The following SDK1 variants were observed in gnomAD, a reference collection of about 807,000 sequenced individuals.
SDK1 encodes sidekick cell adhesion molecule 1.
In SDK1, 157 loss-of-function variants were observed where a neutral mutation model predicts 245.5. That is an observed-to-expected ratio of 0.64 (90% CI 0.56 to 0.73). The LOEUF (loss-of-function observed/expected upper bound fraction) is 0.73. SDK1 is among the 30% of genes least tolerant of loss of function. The probability of loss-of-function intolerance (pLI) is 0.00; values close to 1 mark genes in which losing one functional copy is unlikely to be tolerated. For missense variants in SDK1, 3,583 were observed against 3,002.3 expected (o/e 1.19, Z -4.52); for synonymous variants, 1,647 against 1,278.5 (o/e 1.29, Z -6.15).
At chr7:4,184,040 G>A (rs899561762) in intron 35 of SDK1, among the ~76,000 whole-genome samples, 3 of 152,200 alleles carry the variant, frequency 2.0e-5, no homozygotes, top group Non-Finnish European at 2.9e-5. Context: ...AAGCCAGTTC[G>A]CCATTCCCTT....
At chr7:4,206,054 G>T (rs996003527) in intron 36 of SDK1, 60 bp downstream of exon 36, 12 of 1,136,826 alleles carry the variant, frequency 1.1e-5, no homozygotes, top group Admixed American at 2.5e-5. Context: ...CGTTCACGTG[G>T]TCCTGCCTAC....
At chr7:3,672,816 G>T (rs1383145980) in intron 4 of SDK1, among the ~76,000 whole-genome samples, 1 of 69,832 alleles carries the variant, frequency 1.4e-5, no homozygotes, top group Non-Finnish European at 2.7e-5. Flanking sequence ...AAAGCTCTAA[G>T]TATGCACAGA....
intron 22 of SDK1, among the ~76,000 whole-genome samples, chr7:4,088,178 G>A (rs2128182443): frequency 6.6e-6 from 1 of 152,300 alleles, no homozygotes; most frequent in South Asian, 2.1e-4. Context: ...GTGTATTGGT[G>A]TTACAGCCAG....
intron 7 of SDK1, among the ~76,000 whole-genome samples, chr7:3,955,070 T>C (rs1781150109): frequency 6.6e-6 from 1 of 152,142 alleles, no homozygotes; most frequent in Non-Finnish European, 1.5e-5. Flanking sequence ...CACGGTCTCC[T>C]CATCACACAC....
At chr7:3,467,301 T>C (rs896797151) in intron 1 of SDK1, among the ~76,000 whole-genome samples, 4 of 152,078 alleles carry the variant, frequency 2.6e-5, no homozygotes, top group Non-Finnish European at 5.9e-5. Flanking sequence ...AAATGCCACT[T>C]ATGTTTCTCT....
chr7:3,682,934 A>C (rs911651437), intron 4 of SDK1, among the ~76,000 whole-genome samples: 4 of 152,054 alleles, frequency 2.6e-5, no homozygotes, highest in African/African-American at 9.7e-5. Flanking sequence ...GGGTTTCACC[A>C]TGTTGTCCAG....
chr7:3,652,128 G>C (rs1349530032), intron 4 of SDK1, among the ~76,000 whole-genome samples: 1 of 152,216 alleles, frequency 6.6e-6, no homozygotes, highest in Non-Finnish European at 1.5e-5. Context: ...TATTAGATGA[G>C]GAAGTGGAGA....
At chr7:3,423,318 G>T (rs1583835143) in intron 1 of SDK1, among the ~76,000 whole-genome samples, 2 of 152,198 alleles carry the variant, frequency 1.3e-5, no homozygotes, top group African/African-American at 4.8e-5. Context: ...GTCTTAGGAG[G>T]AGGAAATTAT....
At chr7:4,161,729 G>T in intron 31 of SDK1, 57 bp from the exon 32 acceptor site, 1 of 1,456,350 alleles carries the variant, frequency 6.9e-7, no homozygotes, top group South Asian at 1.1e-5. Context: ...GCCCTGGGAA[G>T]GGCGGCAGAA....
At chr7:3,960,369 C>G (rs1405908976) in intron 8 of SDK1, among the ~76,000 whole-genome samples, 1 of 152,258 alleles carries the variant, frequency 6.6e-6, no homozygotes, top group Non-Finnish European at 1.5e-5. Context: ...AAAGCAGCCA[C>G]CTGGCTCTTG....
intron 5 of SDK1, among the ~76,000 whole-genome samples, chr7:3,916,509 G>C (rs2128111008): frequency 6.6e-6 from 1 of 152,306 alleles, no homozygotes; most frequent in South Asian, 2.1e-4. Context: ...TGTCTTAAAA[G>C]ATGATGGAAA....
chr7:3,989,945 G>A (rs1444871069), intron 14 of SDK1, among the ~76,000 whole-genome samples: 1 of 152,224 alleles, frequency 6.6e-6, no homozygotes, highest in African/African-American at 2.4e-5. Context: ...GGCGATGGGA[G>A]GGGAAGATGG....
intron 44 of SDK1, among the ~76,000 whole-genome samples, chr7:4,264,279 ACC>A (rs1473191103): frequency 2.5e-5 from 2 of 79,338 alleles, no homozygotes; most frequent in African/African-American, 5.6e-5. Context: ...GGCCGCGTAG[ACC>A]TCTCCTGAGT....
intron 4 of SDK1, among the ~76,000 whole-genome samples, chr7:3,673,185 A>G (rs11977537): frequency 5.9e-5 from 9 of 152,000 alleles, no homozygotes; most frequent in African/African-American, 1.7e-4. Flanking sequence ...TTTATCTGCA[A>G]TACTCTCATC....
At chr7:4,162,284 C>T (rs542090120) in intron 32 of SDK1, among the ~76,000 whole-genome samples, 31 of 152,184 alleles carry the variant, frequency 2.0e-4, no homozygotes, top group African/African-American at 7.5e-4. Flanking sequence ...AAGTCATCTG[C>T]AACCAGACAA....
At chr7:3,807,539 C>G (rs1779282483) in intron 4 of SDK1, among the ~76,000 whole-genome samples, 1 of 152,076 alleles carries the variant, frequency 6.6e-6, no homozygotes, top group African/African-American at 2.4e-5. Context: ...GATTGGAGAC[C>G]TATAGAAAGG....
chr7:3,903,930 C>G (rs1781877913), intron 5 of SDK1, among the ~76,000 whole-genome samples: 1 of 152,144 alleles, frequency 6.6e-6, no homozygotes, highest in South Asian at 2.1e-4. Flanking sequence ...CTTGCTTTCT[C>G]TCTGGCCATG....
rs568200840 is a variant in SDK1, at chr7:4,232,281, A to G, written c.5828-974A>G. 1.3e-4 allele frequency among the ~76,000 whole-genome samples: 20 copies of G among 151,684 alleles called. No individual in the cohort carries two copies. In the South Asian group the frequency reaches 4.0e-3, roughly 30 times the overall value. On this transcript the variant is annotated intron_variant, in intron 40 of 44. Transcript: ENST00000404826. The stretch of plus-strand genomic sequence containing the variant: ...CACAGCTAATTGAATTGGTGGGGCC[A>G]GGCTTTGCAAAGAGGCTGTCTAGCT...
At chr7:3,772,005 A>G (rs1319410956) in intron 4 of SDK1, among the ~76,000 whole-genome samples, 1 of 152,202 alleles carries the variant, frequency 6.6e-6, no homozygotes, top group Non-Finnish European at 1.5e-5. Flanking sequence ...ATGGGATCAT[A>G]CAGTATTTCT....
Sources: gnomAD v4.1 joint callset for allele counts (sites outside exome capture counted in the v4.1 genomes callset) on GRCh38, gnomAD v4.1.1 for gene constraint, MANE v1.5 for transcripts, NCBI Gene and HGNC (gene_info 2026-07-23, HGNC 2026-07-21) for gene names.